The following FBXO42 variants were observed in gnomAD, a reference collection of about 807,000 sequenced individuals.
FBXO42 encodes F-box protein 42, also known as F-box only protein 42.
Under a neutral mutation model 71.7 loss-of-function variants are expected in FBXO42, and 12 were observed. The observed-to-expected ratio is 0.17, with a 90% CI of 0.11 to 0.27. FBXO42 has a LOEUF of 0.27. Ranked by LOEUF, FBXO42 falls within the 10% of genes least tolerant of loss-of-function variation. The pLI, the probability that FBXO42 is intolerant of heterozygous loss-of-function variation, is 1.00. For missense variants in FBXO42, 707 were observed against 911.9 expected, an observed-to-expected ratio of 0.78 and a Z score of 2.89; for synonymous variants, 325 against 327.5, an observed-to-expected ratio of 0.99 and a Z score of 0.08.
chr1:16,328,797 A>G (rs2082471781), intron 1 of FBXO42, among the ~76,000 whole-genome samples: 1 of 152,170 alleles, frequency 6.6e-6, no homozygotes, highest in Admixed American at 6.6e-5. Flanking sequence ...AGGACAGGAA[A>G]TATATAAGAT....
At chr1:16,296,649 C>CAAAAAAAAAAAAAAA (rs58537213) in intron 3 of FBXO42, among the ~76,000 whole-genome samples, 7 of 91,322 alleles carry the variant, frequency 7.7e-5, no homozygotes, top group Admixed American at 2.5e-4. Context: ...GACTCCATCT[C>CAAAAAAAAAAAAAAA]AAAAAAAAAA....
intron 2 of FBXO42, among the ~76,000 whole-genome samples, chr1:16,313,074 C>T (rs994339231): frequency 2.6e-5 from 4 of 151,858 alleles, no homozygotes; most frequent in East Asian, 1.9e-4. Context: ...GGATTACAGG[C>T]GTGTTCCACT....
chr1:16,334,434 A>C (rs954619809), intron 1 of FBXO42, among the ~76,000 whole-genome samples: 20 of 151,742 alleles, frequency 1.3e-4, no homozygotes, highest in African/African-American at 4.1e-4. Flanking sequence ...AAAAAAAAAA[A>C]AAAAAACAGA....
intron 4 of FBXO42, among the ~76,000 whole-genome samples, chr1:16,269,338 C>T (rs2081813571): frequency 6.6e-6 from 1 of 151,874 alleles, no homozygotes; most frequent in South Asian, 2.1e-4. Flanking sequence ...ATCTGCCTGC[C>T]TCGGCCTCCC....
intron 8 of FBXO42, 36 bp downstream of exon 8, chr1:16,253,060 G>C (rs757028074): frequency 2.5e-6 from 4 of 1,590,186 alleles, no homozygotes; most frequent in Non-Finnish European, 2.6e-6. Flanking sequence ...ACACTTAGTA[G>C]CATGCACATG....
chr1:16,314,883 G>GAA (rs1017107142), intron 2 of FBXO42, among the ~76,000 whole-genome samples: 3 of 123,926 alleles, frequency 2.4e-5, no homozygotes, highest in Admixed American at 8.3e-5. Context: ...GACTCCGTCT[G>GAA]AAAAAAAAAA....
intron 1 of FBXO42, among the ~76,000 whole-genome samples, chr1:16,327,172 A>C (rs544576258): frequency 6.6e-6 from 1 of 152,282 alleles, no homozygotes; most frequent in African/African-American, 2.4e-5. Context: ...AAAGTACCTT[A>C]CTGACGAGGG....
chr1:16,308,015 G>A (rs371079903), intron 2 of FBXO42, among the ~76,000 whole-genome samples: 7 of 152,276 alleles, frequency 4.6e-5, no homozygotes, highest in South Asian at 2.1e-4. Context: ...TCAGAAGATT[G>A]ATACCACCTG....
chr1:16,265,779 T>C (rs1274747453), intron 4 of FBXO42, among the ~76,000 whole-genome samples: 2 of 131,734 alleles, frequency 1.5e-5, no homozygotes, highest in Admixed American at 7.3e-5. Context: ...TAAGTCCCTA[T>C]TAAAAAAAAA....
At chr1:16,341,178 T>C (rs959808762) in intron 1 of FBXO42, among the ~76,000 whole-genome samples, 6 of 152,202 alleles carry the variant, frequency 3.9e-5, no homozygotes, top group African/African-American at 1.2e-4. Context: ...AAAGAATATA[T>C]GCAGATATTT....
chr1:16,273,971 A>G (rs1054780097), intron 4 of FBXO42, among the ~76,000 whole-genome samples: 3 of 152,206 alleles, frequency 2.0e-5, no homozygotes, highest in Non-Finnish European at 4.4e-5. Flanking sequence ...ACATAGATGA[A>G]TCTCAAAAAC....
At chr1:16,271,257 TG>T (rs1233685394) in intron 4 of FBXO42, among the ~76,000 whole-genome samples, 1 of 88,340 alleles carries the variant, frequency 1.1e-5, no homozygotes, top group Non-Finnish European at 2.3e-5. Flanking sequence ...GTGTGTGTGT[TG>T]GTGTGTGTGT....
At chr1:16,321,134 T>C (rs56962526) in intron 1 of FBXO42, among the ~76,000 whole-genome samples, 4,056 of 152,270 alleles carry the variant, frequency 0.027, 185 homozygotes, top group African/African-American at 0.09. Context: ...ACTGCTGTAA[T>C]AGCCAATGTC....
intron 4 of FBXO42, 117 bp downstream of exon 4, chr1:16,294,666 A>G (rs1445353208): frequency 2.0e-6 from 2 of 1,004,984 alleles, no homozygotes; most frequent in Non-Finnish European, 2.9e-6. Context: ...CATTAAACTT[A>G]AGGACCTGAG....
At chr1:16,281,892 A>G (rs1569854956) in intron 4 of FBXO42, among the ~76,000 whole-genome samples, 2 of 151,996 alleles carry the variant, frequency 1.3e-5, no homozygotes, top group East Asian at 3.9e-4. Flanking sequence ...CTTGACCTCA[A>G]GTGATCCTCC....
At chr1:16,253,805 C>T in intron 6 of FBXO42, 74 bp from the exon 7 acceptor site, 1 of 1,371,810 alleles carries the variant, frequency 7.3e-7, no homozygotes, top group South Asian at 1.2e-5. Context: ...GGGAGTTCCA[C>T]ATGCCTGTGG....
chr1:16,340,358 G>A (rs1013680174), intron 1 of FBXO42, among the ~76,000 whole-genome samples: 1 of 151,028 alleles, frequency 6.6e-6, no homozygotes, highest in African/African-American at 2.4e-5. Flanking sequence ...CACTCTTGTT[G>A]CCTAGGCTAG....
At chr1:16,292,566 G>T (rs1201302801) in intron 4 of FBXO42, 1 of 152,100 alleles carries the variant, frequency 6.6e-6, no homozygotes, top group Non-Finnish European at 1.5e-5. Context: ...TAAAGTGCTG[G>T]GGTTATAGGC....
intron 1 of FBXO42, among the ~76,000 whole-genome samples, chr1:16,338,520 T>G (rs2082574251): frequency 6.6e-6 from 1 of 152,108 alleles, no homozygotes; most frequent in Non-Finnish European, 1.5e-5. Context: ...ACCAAAATAG[T>G]AGACACCTAC....
Sources: gnomAD v4.1 joint callset for allele counts (sites outside exome capture counted in the v4.1 genomes callset) on GRCh38, gnomAD v4.1.1 for gene constraint, MANE v1.5 for transcripts, NCBI Gene and HGNC (gene_info 2026-07-23, HGNC 2026-07-21) for gene names.